The following SNTB1 variants were observed in gnomAD, a reference collection of about 807,000 sequenced individuals.
SNTB1 encodes syntrophin beta 1.
In SNTB1, 36 loss-of-function variants were observed where a neutral mutation model predicts 48.9. The observed-to-expected ratio is 0.74, with a 90% CI of 0.56 to 0.97. The LOEUF is 0.97. Among genes scored for constraint, SNTB1 ranks in the 50% least tolerant of loss-of-function variants. SNTB1 has a pLI of 0.00. For missense variants in SNTB1, 786 were observed against 703.4 expected, an observed-to-expected ratio of 1.12 and a Z score of -1.33; for synonymous variants, 299 against 294.6, an observed-to-expected ratio of 1.01 and a Z score of -0.15.
At chr8:120,565,056 T>C (rs562779151) in intron 4 of SNTB1, among the ~76,000 whole-genome samples, 1 of 152,308 alleles carries the variant, frequency 6.6e-6, no homozygotes, top group South Asian at 2.1e-4. Context: ...TAAGGAGATA[T>C]TTTTGGAGAC....
At chr8:120,543,636 C>T (rs1167054550) in intron 5 of SNTB1, among the ~76,000 whole-genome samples, 2 of 152,156 alleles carry the variant, frequency 1.3e-5, no homozygotes, top group African/African-American at 2.4e-5. Context: ...CACAGAGTCG[C>T]TCAGCTTTCC....
chr8:120,710,793 A>G (rs954090054), intron 1 of SNTB1, among the ~76,000 whole-genome samples: 2 of 152,244 alleles, frequency 1.3e-5, no homozygotes, highest in Non-Finnish European at 2.9e-5. Context: ...CCCAGCCTCC[A>G]GAACCATAAG....
At chr8:120,682,243 C>A (rs1817943059) in intron 2 of SNTB1, among the ~76,000 whole-genome samples, 1 of 152,020 alleles carries the variant, frequency 6.6e-6, no homozygotes, top group African/African-American at 2.4e-5. Flanking sequence ...ATTCCCATTG[C>A]TTTAAAAAAT....
At chr8:120,801,253 T>C (rs1309414789) in intron 1 of SNTB1, among the ~76,000 whole-genome samples, 2 of 152,014 alleles carry the variant, frequency 1.3e-5, no homozygotes, top group Non-Finnish European at 2.9e-5. Context: ...AAGAACCAAA[T>C]AATTACCTAT....
At chr8:120,711,200 T>C (rs2129918148) in intron 1 of SNTB1, among the ~76,000 whole-genome samples, 1 of 152,344 alleles carries the variant, frequency 6.6e-6, no homozygotes, top group Non-Finnish European at 1.5e-5. Context: ...TGATTCATTT[T>C]GTTGTTTAAA....
intron 3 of SNTB1, among the ~76,000 whole-genome samples, chr8:120,586,139 C>T (rs573161954): frequency 6.6e-6 from 1 of 152,314 alleles, no homozygotes; most frequent in Non-Finnish European, 1.5e-5. Context: ...ACCTCCATTT[C>T]ACTTATGAGA....
chr8:120,707,234 C>T (rs941166361), intron 1 of SNTB1, among the ~76,000 whole-genome samples: 2 of 152,122 alleles, frequency 1.3e-5, no homozygotes, highest in African/African-American at 4.8e-5. Flanking sequence ...AGCCTAACAA[C>T]TTTCCCCATC....
intron 1 of SNTB1, among the ~76,000 whole-genome samples, chr8:120,713,500 G>T (rs1012610174): frequency 6.6e-6 from 1 of 152,286 alleles, no homozygotes; most frequent in Admixed American, 6.5e-5. Context: ...GGGAGGTCAA[G>T]GTGGGTGGAT....
intron 1 of SNTB1, among the ~76,000 whole-genome samples, chr8:120,702,298 C>G (rs931031584): frequency 6.6e-6 from 1 of 152,176 alleles, no homozygotes; most frequent in Non-Finnish European, 1.5e-5. Flanking sequence ...GGAGCCCGTC[C>G]CCTTTCACAC....
At chr8:120,704,057 C>G (rs1818345584) in intron 1 of SNTB1, among the ~76,000 whole-genome samples, 1 of 152,160 alleles carries the variant, frequency 6.6e-6, no homozygotes, top group African/African-American at 2.4e-5. Flanking sequence ...CTTTACCATG[C>G]TTTTTTCTTG....
chr8:120,751,474 C>CT lies in SNTB1; in HGVS notation c.572-57567dup, dbSNP rs150773856. ...CATACGAATTAAATCTTAAAGGATACTTTTTTTTTGTGCAAGAAATCTGTC... is the reference window on the plus strand; with the variant it reads ...CATACGAATTAAATCTTAAAGGATACTTTTTTTTTTGTGCAAGAAATCTGTC... On this transcript the variant is annotated intron_variant, in intron 1 of 6. Transcript: ENST00000517992. Among the ~76,000 whole-genome samples the CT allele has an allele frequency of 1.1e-4, 17 of 151,370 alleles. No homozygotes were observed. In the South Asian group the frequency reaches 1.3e-3, roughly 11 times the overall value.
chr8:120,674,383 C>G (rs114804314), intron 2 of SNTB1, among the ~76,000 whole-genome samples: 103 of 152,254 alleles, frequency 6.8e-4, no homozygotes, highest in African/African-American at 2.4e-3. Flanking sequence ...GAATGAAGAG[C>G]AAAAGCAAAC....
At chr8:120,588,865 TG>T (rs1200245474) in intron 3 of SNTB1, among the ~76,000 whole-genome samples, 1 of 152,238 alleles carries the variant, frequency 6.6e-6, no homozygotes, top group African/African-American at 2.4e-5. Context: ...TCAAAAGTGC[TG>T]TGGGTGTCTC....
At chr8:120,644,836 C>T (rs1045356682) in intron 2 of SNTB1, among the ~76,000 whole-genome samples, 2 of 151,790 alleles carry the variant, frequency 1.3e-5, no homozygotes, top group Non-Finnish European at 2.9e-5. Context: ...TGTTGCCTGA[C>T]TTTTTAATGA....
chr8:120,766,224 T>G (rs1488868119), intron 1 of SNTB1, among the ~76,000 whole-genome samples: 2 of 152,158 alleles, frequency 1.3e-5, no homozygotes, highest in Non-Finnish European at 2.9e-5. Flanking sequence ...ATTTCCTCAC[T>G]TAATCCTCAC....
At chr8:120,580,797 AAAG>A (rs1816035489) in intron 3 of SNTB1, among the ~76,000 whole-genome samples, 1 of 152,230 alleles carries the variant, frequency 6.6e-6, no homozygotes, top group South Asian at 2.1e-4. Context: ...GGAGGCTGAT[AAAG>A]AAGAGAAACA....
chr8:120,654,023 G>C (rs1184878094), intron 2 of SNTB1, among the ~76,000 whole-genome samples: 1 of 82,498 alleles, frequency 1.2e-5, no homozygotes, highest in African/African-American at 4.2e-5. Flanking sequence ...CTGGGAGACA[G>C]AGCGAGACTC....
At chr8:120,736,044 G>A (rs1234975616) in intron 1 of SNTB1, among the ~76,000 whole-genome samples, 1 of 152,152 alleles carries the variant, frequency 6.6e-6, no homozygotes, top group Non-Finnish European at 1.5e-5. Flanking sequence ...GAGGCCTCAG[G>A]AAATTTTCAA....
At chr8:120,756,112 C>T (rs1403323141) in intron 1 of SNTB1, among the ~76,000 whole-genome samples, 1 of 152,176 alleles carries the variant, frequency 6.6e-6, no homozygotes, top group Non-Finnish European at 1.5e-5. Flanking sequence ...CTTCTGTGAA[C>T]CATAATGAGC....
Sources: gnomAD v4.1 joint callset for allele counts (sites outside exome capture counted in the v4.1 genomes callset) on GRCh38, gnomAD v4.1.1 for gene constraint, MANE v1.5 for transcripts, NCBI Gene and HGNC (gene_info 2026-07-23, HGNC 2026-07-21) for gene names.